Variants in MEIS3 observed in about 807,000 individuals in gnomAD.
MEIS3 encodes the protein homeobox protein Meis3.
A neutral mutation model predicts 51.4 loss-of-function variants in MEIS3; 38 were observed. The observed-to-expected ratio is 0.74, with a 90% CI of 0.57 to 0.97. MEIS3 has a LOEUF of 0.97. Ranked by LOEUF, MEIS3 falls within the 50% of genes least tolerant of loss-of-function variation. MEIS3 has a pLI of 0.00. For synonymous variants in MEIS3, 198 were observed against 201.8 expected (o/e 0.98, Z 0.16); for missense variants, 456 against 502.6 (o/e 0.91, Z 0.89).
rs921549806 is a variant in MEIS3 at position 47,415,123 on chromosome 19, G to T, written c.397-22C>A. On this transcript the variant is annotated intron_variant, in intron 4 of 12. Coordinates refer to ENST00000558555, the MANE Select transcript of MEIS3 (RefSeq NM_001301059.2). ...TCATCTGAAAACGTGGGCGGGAGGT[G>T]GGGGGAGACAGAGGGAATTGGGGGA... 5.5e-5 allele frequency: 82 copies of T among 1,498,944 alleles called. No individual in the cohort carries two copies. In the East Asian group the frequency reaches 1.5e-3, roughly 28 times the overall value. 92.9% of individuals were successfully genotyped at this position (1,498,944 alleles called of 1,614,324 possible).
chr19:47,417,610 G>A, intron 1 of MEIS3: 1 of 703,150 alleles, frequency 1.4e-6, no homozygotes, highest in Non-Finnish European at 2.6e-6. Context: ...GAGACGGCAG[G>A]GTCTGGCTGG....
rs983476995 is a variant in MEIS3 at position 47,415,051 on chromosome 19, C to G, written c.447G>C (p.Lys149Asn). 1 of 1,555,618 alleles carries G rather than the reference C, an allele frequency of 6.4e-7. No homozygotes were observed. The change falls in exon 5 of 13, where the codon AAG becomes AAC. Residue 149 changes from lysine (K) to asparagine (N), a missense_variant and splice_region_variant. Coordinates refer to ENST00000558555, the MANE Select transcript of MEIS3 (RefSeq NM_001301059.2). ...VLRFHLLELE[K>N]VHDLCDNFCH... ...GTGTGGGGAGGTGAGACGCGCTCAC[C>G]TTCTCCAGCTCCAGCAGGTGGAACC...
intron 12 of MEIS3, among the ~76,000 whole-genome samples, chr19:47,404,530 G>T (rs1970730141): frequency 6.6e-6 from 1 of 152,072 alleles, no homozygotes; most frequent in East Asian, 1.9e-4. Context: ...GTAGGGGGCT[G>T]GGGCTGTCTC....
upstream of MEIS3, among the ~76,000 whole-genome samples, chr19:47,420,596 A>C: frequency 6.9e-6 from 1 of 144,032 alleles, no homozygotes; most frequent in African/African-American, 2.6e-5. Context: ...TGAGACAGAC[A>C]GGAGGGGGAG....
At chr19:47,414,895 G>GGC (rs777235552) in intron 5 of MEIS3, 29 bp from the exon 6 acceptor site, 1 of 1,172,636 alleles carries the variant, frequency 8.5e-7, no homozygotes. Context: ...ACTGGGGGGG[G>GGC]CCACCCACGG....
chr19:47,420,829 A>T (rs530184346), upstream of MEIS3, among the ~76,000 whole-genome samples: 28 of 148,144 alleles, frequency 1.9e-4, no homozygotes, highest in South Asian at 5.8e-3. Flanking sequence ...CGGCTTTCTG[A>T]GGCTCTTCCT....
Sources: allele counts gnomAD v4.1 joint callset (sites outside exome capture counted in the v4.1 genomes callset), GRCh38; gene constraint gnomAD v4.1.1; transcripts MANE v1.5; gene names NCBI Gene and HGNC (gene_info 2026-07-23, HGNC 2026-07-21).